Variants in SH3D19 observed in about 807,000 individuals in gnomAD.
SH3D19 encodes the protein SH3 domain containing 19.
In SH3D19, 58 loss-of-function variants were observed where a neutral mutation model predicts 112.1. The ratio of observed to expected loss-of-function variants is 0.52; its 90% confidence interval spans 0.42 to 0.64. The LOEUF is 0.64. Ranked by LOEUF, SH3D19 falls within the 30% of genes least tolerant of loss-of-function variation. SH3D19 has a pLI of 0.00. For missense variants in SH3D19, 1,090 were observed against 1,263.4 expected (o/e 0.86, Z 2.08); for synonymous variants, 391 against 448.5 (o/e 0.87, Z 1.62).
chr4:151,161,261 G>C (rs116911155), intron 8 of SH3D19, among the ~76,000 whole-genome samples: 3 of 152,106 alleles, frequency 2.0e-5, no homozygotes, highest in Non-Finnish European at 4.4e-5. Context: ...AACAGGCCCC[G>C]GGGAAAGGAG....
At chr4:151,198,696 A>G (rs1205714878) in intron 2 of SH3D19, among the ~76,000 whole-genome samples, 2 of 151,938 alleles carry the variant, frequency 1.3e-5, no homozygotes, top group African/African-American at 2.4e-5. Context: ...ATATATACAT[A>G]ACGGCAAAAC....
chr4:151,247,236 C>T (rs562623073), intron 1 of SH3D19, among the ~76,000 whole-genome samples: 2 of 152,256 alleles, frequency 1.3e-5, no homozygotes, highest in African/African-American at 4.8e-5. Flanking sequence ...GTTTCAATAT[C>T]AATGTTATTT....
Position 151,144,064 on chromosome 4 carries a change from T to C in SH3D19, c.2083-14A>G. 1.2e-6 allele frequency: 2 copies of C among 1,603,922 alleles called. No homozygotes were observed. Among genetic ancestry groups the C allele is most frequent in the Non-Finnish European group, 1.7e-6 (2 of 1,176,476 alleles). On this transcript the variant is annotated splice_polypyrimidine_tract_variant and intron_variant, in intron 11 of 19. Coordinates refer to ENST00000604030, the MANE Select transcript of SH3D19 (RefSeq NM_001378122.1). ...TACATCCCCACGCTGCAAGGTACAA[T>C]ACCACTCTCTGAAGCAATTATTATT... is the stretch of plus-strand genomic sequence containing the variant.
chr4:151,175,981 T>G (rs2149828682), intron 6 of SH3D19, among the ~76,000 whole-genome samples: 1 of 152,072 alleles, frequency 6.6e-6, no homozygotes, highest in Admixed American at 6.5e-5. Flanking sequence ...AGCGATCCTC[T>G]CACTTCAGCT....
intron 2 of SH3D19, among the ~76,000 whole-genome samples, chr4:151,213,363 G>T (rs1203881182): frequency 6.6e-6 from 1 of 152,172 alleles, no homozygotes; most frequent in Non-Finnish European, 1.5e-5. Context: ...AAGATATTGG[G>T]ACCAGGAGTG....
At chr4:151,248,797 G>A (rs1285999964) in intron 1 of SH3D19, among the ~76,000 whole-genome samples, 1 of 151,824 alleles carries the variant, frequency 6.6e-6, no homozygotes, top group Non-Finnish European at 1.5e-5. Context: ...TCCCTGCCTG[G>A]CACCCCCTTG....
intron 9 of SH3D19, among the ~76,000 whole-genome samples, chr4:151,155,606 T>C (rs1215078735): frequency 6.6e-6 from 1 of 151,766 alleles, no homozygotes; most frequent in Non-Finnish European, 1.5e-5. Context: ...ACGACTGGGG[T>C]CTGGCGTGGT....
chr4:151,165,479 G>A, intron 8 of SH3D19, 110 bp downstream of exon 8: 4 of 819,434 alleles, frequency 4.9e-6, no homozygotes, highest in Admixed American at 2.8e-5. Context: ...AAATAGCTTT[G>A]ACTATGAATG....
chr4:151,191,808 G>C (rs1454114647), intron 2 of SH3D19, among the ~76,000 whole-genome samples: 1 of 151,542 alleles, frequency 6.6e-6, no homozygotes, highest in Non-Finnish European at 1.5e-5. Flanking sequence ...ATCATGCCCA[G>C]CTAAATTTTT....
chr4:151,183,377 T>C (rs1228717117), intron 3 of SH3D19, among the ~76,000 whole-genome samples: 2 of 152,204 alleles, frequency 1.3e-5, no homozygotes, highest in Non-Finnish European at 2.9e-5. Context: ...TGTGCAGTAT[T>C]ACCACCAATA....
intron 1 of SH3D19, among the ~76,000 whole-genome samples, chr4:151,308,148 C>A (rs1400348384): frequency 6.6e-6 from 1 of 152,158 alleles, no homozygotes; most frequent in Non-Finnish European, 1.5e-5. Context: ...TCAAGTGATC[C>A]ACCCACCTCG....
chr4:151,200,898 T>C (rs1764301793), intron 2 of SH3D19, among the ~76,000 whole-genome samples: 1 of 152,230 alleles, frequency 6.6e-6, no homozygotes, highest in Admixed American at 6.5e-5. Flanking sequence ...TAAACAAACA[T>C]ATCAACCAAC....
rs1753457827 is a variant in SH3D19 at position 151,143,931 on chromosome 4, T to C, written c.2202A>G (p.Glu734=). 2 of 1,613,882 alleles carry C rather than the reference T, an allele frequency of 1.2e-6. No homozygotes were observed. Among genetic ancestry groups the C allele is most frequent in the Non-Finnish European group, 1.7e-6 (2 of 1,179,938 alleles). Residue 734 remains glutamate (E), a synonymous_variant, in exon 12 of 20, where the codon GAA becomes GAG. Transcript: ENST00000604030. ...SQMKIITPLD[E]HLRSRPNDPS... ...TTACGTTTGGTCTGCTTCTAAGATG[T>C]TCATCAAGTGGAGTGATAATCTTCA...
intron 2 of SH3D19, among the ~76,000 whole-genome samples, chr4:151,222,302 A>G (rs1768187730): frequency 6.6e-6 from 1 of 152,252 alleles, no homozygotes; most frequent in African/African-American, 2.4e-5. Context: ...AAGAAACAGT[A>G]TAAGTAACAC....
chr4:151,237,604 A>G (rs552035772), intron 1 of SH3D19, among the ~76,000 whole-genome samples: 5 of 152,222 alleles, frequency 3.3e-5, no homozygotes, highest in Non-Finnish European at 5.9e-5. Flanking sequence ...CAGTGTCCAC[A>G]TCTGTAAAAT....
chr4:151,178,301 T>C (rs577183974), intron 4 of SH3D19, among the ~76,000 whole-genome samples: 1 of 152,210 alleles, frequency 6.6e-6, no homozygotes, highest in Non-Finnish European at 1.5e-5. Context: ...AGTTTTCTCA[T>C]GGAACATACA....
At chr4:151,254,721 C>T (rs1387386110) in intron 1 of SH3D19, among the ~76,000 whole-genome samples, 3 of 149,828 alleles carry the variant, frequency 2.0e-5, no homozygotes, top group Non-Finnish European at 3.0e-5. Context: ...ATGTCTACTT[C>T]TTTCTACACA....
intron 2 of SH3D19, among the ~76,000 whole-genome samples, chr4:151,195,419 C>T (rs1288783196): frequency 1.4e-5 from 2 of 141,564 alleles, no homozygotes; most frequent in Non-Finnish European, 3.1e-5. Flanking sequence ...AAAGAGTTAA[C>T]CTTAATTTTC....
chr4:151,192,182 C>T (rs1323560866), intron 2 of SH3D19, among the ~76,000 whole-genome samples: 1 of 152,116 alleles, frequency 6.6e-6, no homozygotes, highest in Admixed American at 6.5e-5. Flanking sequence ...CGTGATCCGC[C>T]TGCCTCGGCC....
Sources: allele counts gnomAD v4.1 joint callset (sites outside exome capture counted in the v4.1 genomes callset), GRCh38; gene constraint gnomAD v4.1.1; transcripts MANE v1.5; gene names NCBI Gene and HGNC (gene_info 2026-07-23, HGNC 2026-07-21).